CCDC181: variants seen among roughly 807,000 people sequenced by gnomAD.
CCDC181 encodes the protein coiled-coil domain-containing protein 181.
A neutral mutation model predicts 58.7 loss-of-function variants in CCDC181; 35 were observed. The observed-to-expected ratio is 0.60, with a 90% CI of 0.46 to 0.79. CCDC181 has a LOEUF of 0.79. CCDC181 is among the 30% of genes least tolerant of loss of function. The pLI is 0.00. For synonymous variants in CCDC181, 183 were observed against 197.5 expected (o/e 0.93, Z 0.62); for missense variants, 517 against 583.9 (o/e 0.89, Z 1.18).
Position 169,421,605 on chromosome 1 carries a change from T to A in CCDC181, c.826A>T (p.Ile276Phe). 6.2e-7 allele frequency: 1 copy of A among 1,614,122 alleles called. No individual in the cohort carries two copies. The highest frequency in any genetic ancestry group is 8.5e-7 in the Non-Finnish European group (1 of 1,180,006). ...GTTGATGAGTGAGTGACAGCATGAA[T>A]CTTTGCTGTAGAATCTTCTTTCTTG... ...GTKKEDSTAK[I>F]HAVTHSSTGE... The change falls in exon 3 of 6, where the codon ATT (isoleucine) becomes TTT (phenylalanine). Residue 276 changes from isoleucine (I) to phenylalanine (F), a missense_variant. Ile to Phe is a conservative substitution (Grantham distance 21). Coordinates refer to ENST00000367806, the MANE Select transcript of CCDC181 (RefSeq NM_001300969.2).
chr1:169,456,910 C>G (rs1208014245), intron 2 of CCDC181, among the ~76,000 whole-genome samples: 1 of 152,112 alleles, frequency 6.6e-6, no homozygotes, highest in African/African-American at 2.4e-5. Flanking sequence ...TGAGACCTTC[C>G]TATTAGGGTC....
rs41272451 is a variant in CCDC181, at chr1:169,442,650, C to A, written c.-24+17147G>T. 4 of 152,126 alleles carry A rather than the reference C, an allele frequency of 2.6e-5. No individual in the cohort carries two copies. The East Asian group carries it at 5.8e-4, about 22-fold the overall frequency. The allele number at this position is 152,126 out of a possible 1,614,324, so 9.4% of individuals were successfully genotyped here. A position where few individuals can be genotyped will look rare whatever the true frequency, so the allele number is the denominator to read the frequency against. On this transcript the variant is annotated intron_variant, in intron 2 of 6. Coordinates refer to the CCDC181 transcript ENST00000545005. Reference sequence around the variant, plus strand: ...GACTTTATAATTGTAATGTTTAACACACATATATTTGAAATGGGTACATTG... The same window carrying A: ...GACTTTATAATTGTAATGTTTAACAAACATATATTTGAAATGGGTACATTG...
intron 2 of CCDC181, among the ~76,000 whole-genome samples, chr1:169,452,982 A>C (rs1289762376): frequency 1.3e-5 from 2 of 152,102 alleles, no homozygotes; most frequent in African/African-American, 4.8e-5. Flanking sequence ...TTATGAAGTA[A>C]TATAGTTATT....
At chr1:169,426,572 A>G (rs1197490850) in intron 1 of CCDC181, among the ~76,000 whole-genome samples, 1 of 152,238 alleles carries the variant, frequency 6.6e-6, no homozygotes, top group East Asian at 1.9e-4. Context: ...CCAAGTCCAC[A>G]TGTATACATA....
chr1:169,424,823 G>A lies in CCDC181; in HGVS notation c.105C>T (p.Ala35=). Residue 35 remains alanine, a synonymous_variant, in exon 2 of 6, where the codon GCC becomes GCT. Transcript: ENST00000367806. ...WLINENEKSD[A]SIIEMACEKE... The stretch of plus-strand genomic sequence containing the variant: ...TGGCAATATATACCTCTATTATGCT[G>A]GCATCACTTTTTTCATTTTCATTAA... The A allele has an allele frequency of 1.3e-6, 2 of 1,570,714 alleles. No individual in the cohort carries two copies. The highest frequency in any genetic ancestry group is 1.1e-5 in the South Asian group (1 of 88,822).
chr1:169,456,763 G>A (rs1193575445), intron 2 of CCDC181, among the ~76,000 whole-genome samples: 1 of 152,128 alleles, frequency 6.6e-6, no homozygotes, highest in African/African-American at 2.4e-5. Context: ...CCAGCCTCCA[G>A]AATGGTAAGA....
At chr1:169,400,112 G>A (rs919138713) in intron 4 of CCDC181, among the ~76,000 whole-genome samples, 3 of 152,132 alleles carry the variant, frequency 2.0e-5, no homozygotes, top group Non-Finnish European at 4.4e-5. Context: ...AGATAATAAA[G>A]GTTGCATAGT....
intron 4 of CCDC181, among the ~76,000 whole-genome samples, chr1:169,397,918 T>TC (rs1655137078): frequency 6.6e-6 from 1 of 152,170 alleles, no homozygotes; most frequent in African/African-American, 2.4e-5. Flanking sequence ...ATTTAATACT[T>TC]CCCCCAAATA....
chr1:169,458,655 T>C (rs868131397), intron 2 of CCDC181, among the ~76,000 whole-genome samples: 1 of 152,288 alleles, frequency 6.6e-6, no homozygotes, highest in South Asian at 2.1e-4. Context: ...TGTTACTTTC[T>C]TGGTACTTGC....
intron 4 of CCDC181, among the ~76,000 whole-genome samples, chr1:169,401,937 T>C (rs1360919996): frequency 2.6e-5 from 4 of 152,034 alleles, no homozygotes; most frequent in Non-Finnish European, 4.4e-5. Flanking sequence ...CTAACTAGAA[T>C]AAACAGTGTA....
chr1:169,416,347 G>A (rs887900551), intron 4 of CCDC181, among the ~76,000 whole-genome samples: 1 of 152,252 alleles, frequency 6.6e-6, no homozygotes, highest in Middle Eastern at 3.4e-3. Context: ...GGATACCTTG[G>A]TTGCCAGTGA....
Position 169,421,630 on chromosome 1 carries a change from G to C in CCDC181, c.801C>G (p.Thr267=), listed in dbSNP as rs1313681560. 1.2e-6 allele frequency: 2 copies of C among 1,614,068 alleles called. No individual in the cohort carries two copies. The highest frequency in any genetic ancestry group is 1.1e-5 in the South Asian group (1 of 91,070). ...TCTTTGCTGTAGAATCTTCTTTCTT[G>C]GTGCCACTGACAGAGGAGTTGGAAG... ...PRSSNSSVSG[T]KKEDSTAKIH... is the part of the protein sequence containing the mutation. Residue 267 remains threonine, a synonymous_variant, in exon 3 of 6, where the codon ACC becomes ACG. Transcript: ENST00000367806.
At chr1:169,425,816 A>G (rs1656686706) in intron 1 of CCDC181, among the ~76,000 whole-genome samples, 1 of 152,158 alleles carries the variant, frequency 6.6e-6, no homozygotes, top group Non-Finnish European at 1.5e-5. Flanking sequence ...AAATATTATA[A>G]GAATATTTCT....
intron 4 of CCDC181, among the ~76,000 whole-genome samples, chr1:169,414,990 A>C (rs1656146052): frequency 6.6e-6 from 1 of 152,218 alleles, no homozygotes; most frequent in Admixed American, 6.5e-5. Context: ...CATATTCAAA[A>C]TAAATATTCA....
upstream of CCDC181, among the ~76,000 whole-genome samples, chr1:169,430,670 A>G (rs1033727231): frequency 2.8e-5 from 1 of 35,106 alleles, no homozygotes; most frequent in Non-Finnish European, 9.1e-5. Flanking sequence ...AAGAATTGGA[A>G]AAAAAAAAAC....
At chr1:169,397,944 A>G (rs1489981980) in intron 4 of CCDC181, among the ~76,000 whole-genome samples, 1 of 152,170 alleles carries the variant, frequency 6.6e-6, no homozygotes, top group Non-Finnish European at 1.5e-5. Context: ...TTTGTGATTG[A>G]GCTTATATCT....
At chr1:169,444,939 G>C (rs756406971) in intron 2 of CCDC181, among the ~76,000 whole-genome samples, 8 of 152,120 alleles carry the variant, frequency 5.3e-5, no homozygotes, top group Non-Finnish European at 1.0e-4. Flanking sequence ...ATCCTTTCAT[G>C]ACTTTCCAAT....
At chr1:169,408,535 C>T (rs1327362424) in intron 4 of CCDC181, among the ~76,000 whole-genome samples, 2 of 152,328 alleles carry the variant, frequency 1.3e-5, no homozygotes, top group Middle Eastern at 3.4e-3. Flanking sequence ...CAGCACAGTG[C>T]TTGAGCTCTG....
intron 2 of CCDC181, among the ~76,000 whole-genome samples, chr1:169,450,457 G>C (rs990740668): frequency 4.6e-5 from 7 of 151,982 alleles, no homozygotes; most frequent in African/African-American, 1.7e-4. Flanking sequence ...TGTTTTTGAG[G>C]TTTCTCCACG....
Sources: gnomAD v4.1 joint callset for allele counts (sites outside exome capture counted in the v4.1 genomes callset) on GRCh38, gnomAD v4.1.1 for gene constraint, MANE v1.5 for transcripts, NCBI Gene and HGNC (gene_info 2026-07-23, HGNC 2026-07-21) for gene names.